Variants in FHIT observed in about 807,000 individuals in gnomAD.
The protein encoded by FHIT is fragile histidine triad diadenosine triphosphatase, also known as bis(5'-adenosyl)-triphosphatase.
In FHIT, 19 loss-of-function variants were observed where a neutral mutation model predicts 17.9. That is an observed-to-expected ratio of 1.06 (90% CI 0.74 to 1.56). The LOEUF (loss-of-function observed/expected upper bound fraction) is 1.56, where lower values mean the gene tolerates loss of function less well. Ranked by LOEUF, FHIT falls within the 40% of genes most tolerant of loss-of-function variation. The pLI, the probability that FHIT is intolerant of heterozygous loss-of-function variation, is 0.00. For missense variants in FHIT, 248 were observed against 189.2 expected (o/e 1.31, Z -1.82); for synonymous variants, 81 against 69.7 (o/e 1.16, Z -0.81).
chr3:61,079,136 C>T (rs1056090484), intron 2 of FHIT, among the ~76,000 whole-genome samples: 1 of 152,120 alleles, frequency 6.6e-6, no homozygotes, highest in Non-Finnish European at 1.5e-5. Context: ...ATAATTTATC[C>T]TTGTGACATG....
At chr3:60,843,993 A>C (rs1404415272) in intron 3 of FHIT, among the ~76,000 whole-genome samples, 1 of 152,188 alleles carries the variant, frequency 6.6e-6, no homozygotes, top group African/African-American at 2.4e-5. Context: ...GCAGTGAAAA[A>C]TAGAGCTTGG....
chr3:60,708,195 G>C (rs933671437), intron 4 of FHIT, among the ~76,000 whole-genome samples: 18 of 152,144 alleles, frequency 1.2e-4, no homozygotes, highest in Non-Finnish European at 2.1e-4. Flanking sequence ...TCCTAAGCTA[G>C]AATTCACCAT....
At chr3:60,092,657 G>A (rs1159106649) in intron 5 of FHIT, among the ~76,000 whole-genome samples, 1 of 152,120 alleles carries the variant, frequency 6.6e-6, no homozygotes, top group Non-Finnish European at 1.5e-5. Flanking sequence ...TGGAAGAAAT[G>A]GAAAGGAGAG....
At chr3:61,105,517 T>A (rs1187793870) in intron 2 of FHIT, among the ~76,000 whole-genome samples, 1 of 152,108 alleles carries the variant, frequency 6.6e-6, no homozygotes, top group East Asian at 1.9e-4. Context: ...CTGTTTGATA[T>A]GTGAATATAA....
intron 4 of FHIT, among the ~76,000 whole-genome samples, chr3:60,589,950 C>G (rs1553663566): frequency 6.6e-6 from 1 of 152,022 alleles, no homozygotes; most frequent in African/African-American, 2.4e-5. Context: ...CCCTCTTCAA[C>G]TCTGGGTAAA....
intron 5 of FHIT, among the ~76,000 whole-genome samples, chr3:60,518,507 G>C (rs1262719710): frequency 6.6e-6 from 1 of 152,154 alleles, no homozygotes; most frequent in Non-Finnish European, 1.5e-5. Flanking sequence ...CCCATGCAGT[G>C]CTAGTATACA....
intron 1 of FHIT, among the ~76,000 whole-genome samples, chr3:61,225,355 G>A (rs2039943615): frequency 6.6e-6 from 1 of 151,988 alleles, no homozygotes; most frequent in African/African-American, 2.4e-5. Flanking sequence ...TTGAAAGTTG[G>A]GAAGAAAAAT....
intron 8 of FHIT, among the ~76,000 whole-genome samples, chr3:59,826,432 A>G (rs968854813): frequency 6.6e-6 from 1 of 152,112 alleles, no homozygotes; most frequent in African/African-American, 2.4e-5. Context: ...TATATATTGT[A>G]CTTATTTACT....
intron 1 of FHIT, among the ~76,000 whole-genome samples, chr3:61,227,264 T>C (rs1168151654): frequency 6.6e-6 from 1 of 152,194 alleles, no homozygotes; most frequent in African/African-American, 2.4e-5. Context: ...TTATTGTCTT[T>C]CCTTATTTCA....
At chr3:60,223,427 G>A (rs1472747206) in intron 5 of FHIT, among the ~76,000 whole-genome samples, 1 of 152,146 alleles carries the variant, frequency 6.6e-6, no homozygotes, top group Non-Finnish European at 1.5e-5. Context: ...CAACACGTAA[G>A]CGATCCATGC....
chr3:60,912,577 A>G (rs972140827), intron 3 of FHIT, among the ~76,000 whole-genome samples: 1 of 152,158 alleles, frequency 6.6e-6, no homozygotes, highest in African/African-American at 2.4e-5. Context: ...TCTTCCCCCT[A>G]TTTGCCACAA....
intron 5 of FHIT, among the ~76,000 whole-genome samples, chr3:60,506,807 A>T (rs768949611): frequency 7.2e-5 from 11 of 152,232 alleles, no homozygotes; most frequent in Non-Finnish European, 1.3e-4. Flanking sequence ...AGCCAAGACC[A>T]GCAGAGCCAC....
intron 5 of FHIT, among the ~76,000 whole-genome samples, chr3:60,016,545 C>G (rs919588110): frequency 7.2e-5 from 11 of 152,138 alleles, no homozygotes; most frequent in African/African-American, 2.7e-4. Flanking sequence ...CTAAGATGAC[C>G]AGGACAGAGT....
At chr3:60,101,392 C>T (rs1704184866) in intron 5 of FHIT, among the ~76,000 whole-genome samples, 1 of 152,198 alleles carries the variant, frequency 6.6e-6, no homozygotes, top group Non-Finnish European at 1.5e-5. Context: ...TGACCTGGAG[C>T]TCTCTTCTTT....
chr3:61,227,776 G>A (rs542668161), intron 1 of FHIT, among the ~76,000 whole-genome samples: 3 of 152,166 alleles, frequency 2.0e-5, no homozygotes, highest in East Asian at 1.9e-4. Context: ...AGGAAAAACC[G>A]GATATATTCA....
chr3:60,785,973 T>A (rs1411049317), intron 4 of FHIT, among the ~76,000 whole-genome samples: 2 of 150,972 alleles, frequency 1.3e-5, no homozygotes, highest in Admixed American at 1.3e-4. Flanking sequence ...AAAGAGATTA[T>A]CTACAGAGAT....
At chr3:59,795,648 G>C (rs879804479) in intron 8 of FHIT, among the ~76,000 whole-genome samples, 1 of 151,998 alleles carries the variant, frequency 6.6e-6, no homozygotes, top group Non-Finnish European at 1.5e-5. Flanking sequence ...CATCACTTGA[G>C]CCCAGGAGTT....
At chr3:60,485,908 T>G (rs919280750) in intron 5 of FHIT, among the ~76,000 whole-genome samples, 10 of 151,578 alleles carry the variant, frequency 6.6e-5, no homozygotes, top group African/African-American at 2.2e-4. Context: ...AATTACTAAT[T>G]GCAGTGAGAT....
At chr3:60,194,885 G>T (rs12492390) in intron 5 of FHIT, among the ~76,000 whole-genome samples, 1 of 152,084 alleles carries the variant, frequency 6.6e-6, no homozygotes, top group Non-Finnish European at 1.5e-5. Context: ...CACAGTGAGG[G>T]CTGGGTGCGG....
Sources: gnomAD v4.1 joint callset for allele counts (sites outside exome capture counted in the v4.1 genomes callset) on GRCh38, gnomAD v4.1.1 for gene constraint, MANE v1.5 for transcripts, NCBI Gene and HGNC (gene_info 2026-07-23, HGNC 2026-07-21) for gene names.